The following SPOCK1 variants were observed in gnomAD, a reference collection of about 807,000 sequenced individuals.
SPOCK1 encodes the protein SPARC (osteonectin), cwcv and kazal like domains proteoglycan 1, also known as testican-1.
A neutral mutation model predicts 55.3 loss-of-function variants in SPOCK1; 23 were observed. That is an observed-to-expected ratio of 0.42 (90% CI 0.30 to 0.59). The LOEUF is 0.59. Among genes scored for constraint, SPOCK1 ranks in the 20% least tolerant of loss-of-function variants. SPOCK1 has a pLI of 0.22. For missense variants in SPOCK1, 499 were observed against 552.5 expected, an observed-to-expected ratio of 0.90 and a Z score of 0.97; for synonymous variants, 226 against 221.0, an observed-to-expected ratio of 1.02 and a Z score of -0.20.
intron 6 of SPOCK1, among the ~76,000 whole-genome samples, chr5:137,030,719 T>C (rs1169172316): frequency 6.6e-6 from 1 of 152,222 alleles, no homozygotes; most frequent in African/African-American, 2.4e-5. Context: ...AAGTTATCTA[T>C]ACTTTTGATG....
intron 5 of SPOCK1, among the ~76,000 whole-genome samples, chr5:137,088,144 A>G (rs1035027573): frequency 1.3e-5 from 2 of 152,212 alleles, no homozygotes; most frequent in African/African-American, 4.8e-5. Context: ...GCTCCCCTCC[A>G]GACCTTCATC....
chr5:137,415,277 C>A (rs184043649), intron 2 of SPOCK1, among the ~76,000 whole-genome samples: 1 of 152,150 alleles, frequency 6.6e-6, no homozygotes, highest in Non-Finnish European at 1.5e-5. Flanking sequence ...TACAAGCACA[C>A]AAATATTTGT....
At chr5:137,397,448 T>C (rs952479793) in intron 2 of SPOCK1, among the ~76,000 whole-genome samples, 2 of 152,176 alleles carry the variant, frequency 1.3e-5, no homozygotes, top group Non-Finnish European at 2.9e-5. Context: ...ATAAACTCCT[T>C]AAAAATCTTA....
rs1274542776 is a variant in SPOCK1 at position 137,067,734 on chromosome 5, C to T, written c.570G>A (p.Lys190=). The change falls in exon 6 of 11, where the codon AAG becomes AAA. Residue 190 remains lysine, a synonymous_variant. Coordinates refer to ENST00000394945, the MANE Select transcript of SPOCK1 (RefSeq NM_004598.4). The part of the protein sequence containing the change: ...CPCLPEPEPP[K]HKAERSACTD... ...ACTCACCACTCCTTTCTGCCTTGTG[C>T]TTTGGTGGCTCAGGCTCTGGGAGAC... 1 of 1,614,172 alleles carries T rather than the reference C, an allele frequency of 6.2e-7. No homozygotes were observed. Among genetic ancestry groups the T allele is most frequent in the Non-Finnish European group, 8.5e-7 (1 of 1,180,004 alleles).
At chr5:137,115,013 G>T (rs1477614703) in intron 4 of SPOCK1, among the ~76,000 whole-genome samples, 1 of 152,184 alleles carries the variant, frequency 6.6e-6, no homozygotes, top group African/African-American at 2.4e-5. Context: ...AGAAAAGATG[G>T]AATCAGCTAT....
At position 136,988,510 on chromosome 5, in the gene SPOCK1, A is replaced by G. The variant is rs141177903; in HGVS notation, c.840T>C (p.Cys280=). 50 of 1,614,176 alleles carry G rather than the reference A, an allele frequency of 3.1e-5. No individual in the cohort carries two copies. The highest frequency in any genetic ancestry group is 4.2e-5 in the Non-Finnish European group (49 of 1,180,014). The change falls in exon 8 of 11, where the codon TGT becomes TGC. Residue 280 remains cysteine, a synonymous_variant. Coordinates refer to ENST00000394945, the MANE Select transcript of SPOCK1 (RefSeq NM_004598.4). Reference sequence around the variant, plus strand: ...CACACGAGTTGAAAAGAGGCTTGATACAGGGCTCGTACTTATCCAGGTAGA... The same window carrying G: ...CACACGAGTTGAAAAGAGGCTTGATGCAGGGCTCGTACTTATCCAGGTAGA... ...NAIYLDKYEP[C]IKPLFNSCDS...
chr5:137,289,083 T>A (rs943950280), intron 2 of SPOCK1, among the ~76,000 whole-genome samples: 1 of 152,156 alleles, frequency 6.6e-6, no homozygotes, highest in African/African-American at 2.4e-5. Flanking sequence ...ACCTTAGAAA[T>A]GAACTGAACC....
intron 2 of SPOCK1, among the ~76,000 whole-genome samples, chr5:137,470,644 G>A (rs1353156613): frequency 6.6e-6 from 1 of 152,170 alleles, no homozygotes; most frequent in Non-Finnish European, 1.5e-5. Context: ...GGCCCATGGA[G>A]ACTGCCTTTG....
intron 3 of SPOCK1, among the ~76,000 whole-genome samples, chr5:137,148,234 A>C (rs191009585): frequency 1.3e-5 from 2 of 152,266 alleles, no homozygotes; most frequent in Non-Finnish European, 2.9e-5. Flanking sequence ...AGGACTACCC[A>C]CTACTGAGAG....
At chr5:137,121,385 C>T (rs1753679951) in intron 4 of SPOCK1, among the ~76,000 whole-genome samples, 1 of 151,840 alleles carries the variant, frequency 6.6e-6, no homozygotes, top group Admixed American at 6.6e-5. Flanking sequence ...TCAGGAATCC[C>T]ATGAGCCAGG....
At chr5:137,033,794 G>A (rs1751829078) in intron 6 of SPOCK1, among the ~76,000 whole-genome samples, 1 of 152,122 alleles carries the variant, frequency 6.6e-6, no homozygotes, top group Non-Finnish European at 1.5e-5. Context: ...GTAGAGATGA[G>A]GGTCTCACTT....
At chr5:137,417,322 T>A (rs1309498552) in intron 2 of SPOCK1, among the ~76,000 whole-genome samples, 5 of 148,750 alleles carry the variant, frequency 3.4e-5, no homozygotes, top group Non-Finnish European at 7.4e-5. Context: ...CAGGTGTGTA[T>A]AACCCATTTC....
chr5:137,008,684 G>A lies in SPOCK1; in HGVS notation c.590-16084C>T, dbSNP rs879510461. Among the ~76,000 whole-genome samples the A allele has an allele frequency of 3.6e-4, 55 of 152,142 alleles. 1 individual carries two copies. Among genetic ancestry groups the A allele is most frequent in the South Asian group, 2.1e-4 (1 of 4,830 alleles). On this transcript the variant is annotated intron_variant, in intron 6 of 10. Transcript: ENST00000394945. Reference sequence around the variant, plus strand: ...AATGATACAAACAACAACAAAGAGGGGAAGGGAGGAAGAAGATGCAAAGTA... The same window carrying A: ...AATGATACAAACAACAACAAAGAGGAGAAGGGAGGAAGAAGATGCAAAGTA...
At chr5:137,305,233 T>C (rs1757681931) in intron 2 of SPOCK1, among the ~76,000 whole-genome samples, 1 of 152,158 alleles carries the variant, frequency 6.6e-6, no homozygotes, top group African/African-American at 2.4e-5. Flanking sequence ...ATGATAAGCA[T>C]CTAGTGGTTG....
chr5:137,140,556 C>T, intron 4 of SPOCK1, 24 bp downstream of exon 4: 2 of 1,597,952 alleles, frequency 1.3e-6, no homozygotes, highest in Non-Finnish European at 1.7e-6. Flanking sequence ...TCCCAGCCCC[C>T]AGCCCCCGGC....
At chr5:137,401,382 G>A (rs1318736325) in intron 2 of SPOCK1, among the ~76,000 whole-genome samples, 1 of 151,920 alleles carries the variant, frequency 6.6e-6, no homozygotes, top group Non-Finnish European at 1.5e-5. Flanking sequence ...TAGTCCTCAG[G>A]TTGACCCTAT....
chr5:137,084,495 G>A (rs991515529), intron 5 of SPOCK1, among the ~76,000 whole-genome samples: 1 of 151,996 alleles, frequency 6.6e-6, no homozygotes, highest in Non-Finnish European at 1.5e-5. Flanking sequence ...CATTTCTAGG[G>A]CACAGGAAAC....
intron 2 of SPOCK1, among the ~76,000 whole-genome samples, chr5:137,375,738 T>A (rs781602387): frequency 9.2e-5 from 14 of 152,178 alleles, no homozygotes; most frequent in Non-Finnish European, 1.6e-4. Context: ...TTTTTTTAAC[T>A]CCAAAACAGA....
At chr5:137,073,679 T>A (rs1333453756) in intron 5 of SPOCK1, among the ~76,000 whole-genome samples, 2 of 152,188 alleles carry the variant, frequency 1.3e-5, no homozygotes, top group African/African-American at 4.8e-5. Context: ...AAATGCTTTT[T>A]TTTTTTACAA....
Sources: gnomAD v4.1 joint callset for allele counts (sites outside exome capture counted in the v4.1 genomes callset) on GRCh38, gnomAD v4.1.1 for gene constraint, MANE v1.5 for transcripts, NCBI Gene and HGNC (gene_info 2026-07-23, HGNC 2026-07-21) for gene names.